NCF2: variants seen among roughly 807,000 people sequenced by gnomAD.
NCF2 encodes neutrophil cytosol factor 2.
Under a neutral mutation model 70.9 loss-of-function variants are expected in NCF2, and 45 were observed. The observed-to-expected ratio is 0.63, with a 90% CI of 0.50 to 0.81. The LOEUF (loss-of-function observed/expected upper bound fraction) is 0.81, where lower values mean the gene tolerates loss of function less well. Ranked by LOEUF, NCF2 falls within the 40% of genes least tolerant of loss-of-function variation. The pLI, the probability that NCF2 is intolerant of heterozygous loss-of-function variation, is 0.00. For missense variants in NCF2, 522 were observed against 631.6 expected (o/e 0.83, Z 1.86); for synonymous variants, 203 against 233.6 (o/e 0.87, Z 1.19).
chr1:183,578,159 A>C (rs1672886599), intron 2 of NCF2, among the ~76,000 whole-genome samples: 2 of 152,124 alleles, frequency 1.3e-5, no homozygotes, highest in Non-Finnish European at 2.9e-5. Context: ...AGCCTGGCAC[A>C]GCTTGGAGGG....
At chr1:183,587,788 G>A (rs1251795772) in intron 1 of NCF2, among the ~76,000 whole-genome samples, 1 of 151,938 alleles carries the variant, frequency 6.6e-6, no homozygotes, top group Non-Finnish European at 1.5e-5. Context: ...CTTTGTAACT[G>A]TCTCTGACCT....
chr1:183,580,718 G>A (rs1010189230), intron 2 of NCF2, among the ~76,000 whole-genome samples: 4 of 152,066 alleles, frequency 2.6e-5, no homozygotes, highest in Non-Finnish European at 4.4e-5. Context: ...GGCTCGTGCC[G>A]GTAATCCCAG....
At chr1:183,581,731 C>G (rs545412519) in intron 2 of NCF2, among the ~76,000 whole-genome samples, 3 of 151,588 alleles carry the variant, frequency 2.0e-5, no homozygotes, top group South Asian at 2.1e-4. Context: ...TGCAGTGGCG[C>G]GATCTCGGCT....
At chr1:183,578,294 C>T (rs1672893727) in intron 2 of NCF2, among the ~76,000 whole-genome samples, 1 of 151,692 alleles carries the variant, frequency 6.6e-6, no homozygotes, top group South Asian at 2.1e-4. Context: ...CCACTTCTGC[C>T]TCCTCCCTAC....
intron 2 of NCF2, among the ~76,000 whole-genome samples, chr1:183,580,752 G>C (rs1049823288): frequency 6.6e-6 from 1 of 152,250 alleles, no homozygotes; most frequent in Admixed American, 6.5e-5. Flanking sequence ...CAAGGCAGGC[G>C]GATCACTTGA....
chr1:183,559,462 G>T (rs1671940454), intron 14 of NCF2, among the ~76,000 whole-genome samples: 2 of 152,198 alleles, frequency 1.3e-5, no homozygotes, highest in South Asian at 4.1e-4. Flanking sequence ...TTTGCAGAAG[G>T]TCATACAGCT....
chr1:183,565,912 G>A, intron 9 of NCF2, 133 bp from the exon 10 acceptor site: 1 of 869,660 alleles, frequency 1.1e-6, no homozygotes, highest in Admixed American at 2.1e-5. Context: ...AGTTGGAATG[G>A]TAGTGACATT....
intron 8 of NCF2, 107 bp from the exon 9 acceptor site, chr1:183,567,095 A>T (rs1672335263): frequency 6.2e-7 from 1 of 1,607,672 alleles, no homozygotes; most frequent in East Asian, 2.2e-5. Flanking sequence ...ACGAACAGAC[A>T]AAAGAACTTG....
At chr1:183,570,756 T>C (rs754280232) in intron 6 of NCF2, 24 bp downstream of exon 6, 6 of 1,612,088 alleles carry the variant, frequency 3.7e-6, no homozygotes, top group Non-Finnish European at 5.1e-6. Context: ...CCTAGGTCCA[T>C]GGAGAAGGTC....
At chr1:183,596,728 C>T in the NCF2 span, among the ~76,000 whole-genome samples, 5 of 148,046 alleles carry the variant, frequency 3.4e-5, no homozygotes, top group Admixed American at 6.8e-5. Flanking sequence ...GGCTACAGAG[C>T]GAGACTCCAT....
chr1:183,571,707 C>A (rs2102900318), intron 5 of NCF2, among the ~76,000 whole-genome samples: 1 of 152,262 alleles, frequency 6.6e-6, no homozygotes. Flanking sequence ...TTCATATAAT[C>A]AAAACATTTT....
rs1310612327 is a variant in NCF2 at position 183,564,453 on chromosome 1, ATTAAT to A, written c.1001-428_1001-424del. On this transcript the variant is annotated intron_variant, in intron 10 of 14. Transcript: ENST00000367535. The stretch of plus-strand genomic sequence containing the variant: ...TTTTTGTGTATGTTTCCTAAAGTTT[ATTAAT>A]TTAATCTAATCTATTAATCAAGCAA... 3.3e-5 allele frequency among the ~76,000 whole-genome samples: 5 copies of A among 152,344 alleles called. No homozygotes were observed. The East Asian group carries it at 5.8e-4, about 18-fold the overall frequency.
intron 10 of NCF2, 139 bp from the exon 11 acceptor site, chr1:183,564,169 C>A (rs1039422512): frequency 8.1e-6 from 7 of 859,076 alleles, no homozygotes; most frequent in South Asian, 1.4e-5. Context: ...CAATTATTAA[C>A]CTTAGTAAAC....
upstream of NCF2, among the ~76,000 whole-genome samples, chr1:183,594,456 T>C (rs946828816): frequency 3.3e-5 from 5 of 152,216 alleles, no homozygotes; most frequent in African/African-American, 2.4e-5. Context: ...CTGATCTACC[T>C]TGGAATTTCT....
the NCF2 span, among the ~76,000 whole-genome samples, chr1:183,596,282 G>A: frequency 6.7e-6 from 1 of 149,416 alleles, no homozygotes; most frequent in African/African-American, 2.5e-5. Flanking sequence ...GAAAATGAGG[G>A]AATGTATAAT....
chr1:183,565,594 G>T, intron 10 of NCF2, 110 bp downstream of exon 10: 2 of 1,095,050 alleles, frequency 1.8e-6, no homozygotes, highest in Non-Finnish European at 2.8e-6. Context: ...TGAGTGACAT[G>T]TTGGGAGAAG....
intron 6 of NCF2, among the ~76,000 whole-genome samples, chr1:183,569,819 G>T (rs1324096974): frequency 6.6e-6 from 1 of 152,104 alleles, no homozygotes; most frequent in African/African-American, 2.4e-5. Flanking sequence ...GGAACTCCTG[G>T]CCTCAAGTGA....
chr1:183,577,507 G>A, intron 3 of NCF2, 92 bp downstream of exon 3: 4 of 1,046,582 alleles, frequency 3.8e-6, no homozygotes, highest in Admixed American at 1.7e-5. Flanking sequence ...CCAAGCTCCT[G>A]GAGGTGTCAA....
chr1:183,573,063 C>T, intron 5 of NCF2, 122 bp downstream of exon 5: 2 of 887,804 alleles, frequency 2.3e-6, no homozygotes, highest in East Asian at 2.4e-5. Context: ...AAACAAGTCT[C>T]TCATTGCCAT....
Sources: allele counts gnomAD v4.1 joint callset (sites outside exome capture counted in the v4.1 genomes callset), GRCh38; gene constraint gnomAD v4.1.1; transcripts MANE v1.5; gene names NCBI Gene and HGNC (gene_info 2026-07-23, HGNC 2026-07-21).